DSE: variants seen among roughly 807,000 people sequenced by gnomAD.
DSE encodes the protein dermatan-sulfate epimerase.
DSE carries 36 observed loss-of-function variants against 84.4 expected under a neutral mutation model. The ratio of observed to expected loss-of-function variants is 0.43; its 90% CI spans 0.33 to 0.56. DSE has a LOEUF of 0.56. Ranked by LOEUF, DSE falls within the 20% of genes least tolerant of loss-of-function variation. The pLI, the probability that DSE is intolerant of heterozygous loss-of-function variation, is 0.06. For synonymous variants in DSE, 410 were observed against 430.1 expected, an observed-to-expected ratio of 0.95 and a Z score of 0.58; for missense variants, 862 against 1,169.6, an observed-to-expected ratio of 0.74 and a Z score of 3.84.
chr6:116,299,309 A>G (rs1167852108), intron 2 of DSE, among the ~76,000 whole-genome samples: 1 of 151,928 alleles, frequency 6.6e-6, no homozygotes, highest in African/African-American at 2.4e-5. Context: ...ATTTTGGGAA[A>G]AAAGAGAGGA....
chr6:116,380,224 G>T (rs1480915393), intron 1 of DSE, among the ~76,000 whole-genome samples: 2 of 152,108 alleles, frequency 1.3e-5, no homozygotes, highest in East Asian at 3.8e-4. Flanking sequence ...TAGTCATTGA[G>T]TAAGTATTTG....
At chr6:116,333,103 G>A (rs1583034197) in intron 2 of DSE, among the ~76,000 whole-genome samples, 2 of 152,210 alleles carry the variant, frequency 1.3e-5, no homozygotes, top group African/African-American at 4.8e-5. Context: ...ACTTCCTCAG[G>A]ATAAAATTTT....
At position 116,444,091 on chromosome 6, in the gene DSE, C is replaced by T. The variant is rs1759492490; in HGVS notation, c.*6746C>T. 3 of 152,162 alleles carry T rather than the reference C, an allele frequency of 2.0e-5. No homozygotes were observed. The South Asian group carries it at 6.2e-4, about 32-fold the overall frequency. 9.4% of individuals were successfully genotyped at this position (152,162 alleles called of 1,614,324 possible). On this transcript the variant is annotated 3_prime_UTR_variant, in exon 6 of 6. Transcript: ENST00000644252. ...TGTTTTACTGACAAAAGAATGGATC[C>T]AGGTCATTTAGTAGAGTTCTGAAGA...
chr6:116,312,102 A>G (rs1775727427), intron 2 of DSE, among the ~76,000 whole-genome samples: 1 of 152,200 alleles, frequency 6.6e-6, no homozygotes, highest in East Asian at 1.9e-4. Flanking sequence ...TTAGGCAGAT[A>G]GGGACCTTAG....
At chr6:116,269,244 T>C (rs779032590) in intron 2 of DSE, among the ~76,000 whole-genome samples, 2 of 152,214 alleles carry the variant, frequency 1.3e-5, no homozygotes. Flanking sequence ...TTTACTCATA[T>C]ACAAAATGAA....
intron 2 of DSE, among the ~76,000 whole-genome samples, chr6:116,299,504 T>TTATATATATA (rs71553739): frequency 7.8e-4 from 9 of 11,502 alleles, no homozygotes; most frequent in African/African-American, 1.8e-3. Context: ...TGAATTATTT[T>TTATATATATA]TATATATATA....
At chr6:116,314,260 C>T (rs1045235406) in intron 2 of DSE, among the ~76,000 whole-genome samples, 3 of 152,154 alleles carry the variant, frequency 2.0e-5, no homozygotes, top group Non-Finnish European at 2.9e-5. Flanking sequence ...GTATGGTTTG[C>T]AACATGTTTA....
intron 2 of DSE, among the ~76,000 whole-genome samples, chr6:116,404,567 T>C (rs1781795674): frequency 6.6e-6 from 1 of 152,262 alleles, no homozygotes; most frequent in Admixed American, 6.5e-5. Context: ...GTAAACTTGG[T>C]TCTTCATCTG....
At chr6:116,274,118 C>A (rs1472812634) in intron 2 of DSE, among the ~76,000 whole-genome samples, 1 of 151,944 alleles carries the variant, frequency 6.6e-6, no homozygotes, top group Non-Finnish European at 1.5e-5. Flanking sequence ...GCGTGAGCCA[C>A]CCTGCCCGGC....
intron 1 of DSE, among the ~76,000 whole-genome samples, chr6:116,391,363 A>G (rs1001461903): frequency 6.6e-6 from 1 of 152,190 alleles, no homozygotes; most frequent in Non-Finnish European, 1.5e-5. Context: ...TTACTCCTTC[A>G]GCAGCGTGTG....
At chr6:116,265,539 G>A (rs752090410) in intron 2 of DSE, among the ~76,000 whole-genome samples, 12 of 152,126 alleles carry the variant, frequency 7.9e-5, no homozygotes, top group African/African-American at 1.2e-4. Flanking sequence ...AGGGGAAGCT[G>A]CATTATGAGG....
chr6:116,382,596 A>G (rs1780306103), intron 1 of DSE, among the ~76,000 whole-genome samples: 1 of 152,338 alleles, frequency 6.6e-6, no homozygotes, highest in South Asian at 2.1e-4. Flanking sequence ...CTTATACCAC[A>G]TAGTTTCTGT....
chr6:116,433,292 G>T, intron 4 of DSE, 51 bp from the exon 5 acceptor site: 1 of 1,511,326 alleles, frequency 6.6e-7, no homozygotes, highest in Non-Finnish European at 9.0e-7. Context: ...GACCTATATA[G>T]GAGTGTGAAG....
rs1302116113 is a variant in DSE at position 116,436,755 on chromosome 6, C to T, written c.2287C>T (p.Arg763Ter). The T allele has an allele frequency of 2.5e-6, 4 of 1,613,994 alleles. No homozygotes were observed. Among genetic ancestry groups the T allele is most frequent in the Non-Finnish European group, 2.5e-6 (3 of 1,180,024 alleles). The change falls in exon 6 of 6, where the codon CGA (arginine) becomes TGA (stop). Residue 763 changes from arginine to a stop codon, truncating the protein, a stop_gained. Coordinates refer to ENST00000644252, the MANE Select transcript of DSE (RefSeq NM_013352.4). LOFTEE classifies it high-confidence loss of function. ...GCTGCTGGAGAAGCAGATACTGTCC[C>T]GAGTCCGGAACACAGCTAGCTTTAG... ...FQLLEKQILSRVRNTASFRKT... is the reference protein window; with the variant it reads ...FQLLEKQILS
At chr6:116,380,922 A>G (rs1780183373) in intron 1 of DSE, among the ~76,000 whole-genome samples, 1 of 152,072 alleles carries the variant, frequency 6.6e-6, no homozygotes, top group African/African-American at 2.4e-5. Context: ...TTCAGATACT[A>G]CCTCCTCAGT....
chr6:116,358,477 A>T (rs540229467), intron 2 of DSE, among the ~76,000 whole-genome samples: 22 of 152,192 alleles, frequency 1.4e-4, no homozygotes, highest in African/African-American at 5.3e-4. Flanking sequence ...GTAGGGTAGA[A>T]AATGCAGTTC....
At chr6:116,393,686 A>C (rs1018508869) in intron 1 of DSE, among the ~76,000 whole-genome samples, 1 of 152,222 alleles carries the variant, frequency 6.6e-6, no homozygotes, top group East Asian at 1.9e-4. Context: ...TTGTCTGCCC[A>C]ACTCCATGCC....
chr6:116,292,003 T>A (rs1165058775), intron 2 of DSE, among the ~76,000 whole-genome samples: 1 of 152,088 alleles, frequency 6.6e-6, no homozygotes, highest in Non-Finnish European at 1.5e-5. Context: ...AAGGAGAGTT[T>A]CATGTGACTC....
chr6:116,263,375 T>C (rs965921751), intron 2 of DSE, among the ~76,000 whole-genome samples: 1 of 152,080 alleles, frequency 6.6e-6, no homozygotes, highest in Non-Finnish European at 1.5e-5. Flanking sequence ...TCTTTTTTTT[T>C]TTTATCTTTG....
Sources: gnomAD v4.1 joint callset for allele counts (sites outside exome capture counted in the v4.1 genomes callset) on GRCh38, gnomAD v4.1.1 for gene constraint, MANE v1.5 for transcripts, NCBI Gene and HGNC (gene_info 2026-07-23, HGNC 2026-07-21) for gene names.